The following WNK3 variants were observed in gnomAD, a reference collection of about 807,000 sequenced individuals.
WNK3 encodes the protein WNK lysine deficient protein kinase 3, also known as serine/threonine-protein kinase WNK3.
Under a neutral mutation model 116.7 loss-of-function variants are expected in WNK3, and 18 were observed. The observed-to-expected ratio is 0.15, with a 90% confidence interval of 0.11 to 0.23. WNK3 has a LOEUF of 0.23. Among genes scored for constraint, WNK3 ranks in the 10% least tolerant of loss-of-function variants. The pLI is 1.00. For missense variants in WNK3, 993 were observed against 1,323.8 expected (o/e 0.75, Z 3.88); for synonymous variants, 404 against 469.4 (o/e 0.86, Z 1.80).
At chrX:54,283,766 CA>C (rs782377430) in intron 10 of WNK3, among the ~76,000 whole-genome samples, 501 of 24,084 alleles carry the variant, frequency 0.021, no homozygotes, top group African/African-American at 0.048. Context: ...AAGACTGTCT[CA>C]AAAAAAAAAA....
At chrX:54,321,614 T>C (rs782059869) in intron 2 of WNK3, among the ~76,000 whole-genome samples, 1 of 111,681 alleles carries the variant, frequency 9.0e-6, no homozygotes, top group Non-Finnish European at 1.9e-5. Flanking sequence ...AGTCATAATC[T>C]GGTCATATTA....
chrX:54,314,601 T>A (rs1460285009), intron 2 of WNK3, among the ~76,000 whole-genome samples: 1 of 110,689 alleles, frequency 9.0e-6, no homozygotes, highest in Non-Finnish European at 1.9e-5. Context: ...AAACCCTGTC[T>A]CTACAAAAAA....
intron 13 of WNK3, 34 bp from the exon 14 acceptor site, chrX:54,251,721 T>A: frequency 8.6e-7 from 1 of 1,167,141 alleles, no homozygotes; most frequent in Non-Finnish European, 1.2e-6. Flanking sequence ...TGAGAATGAA[T>A]TCAGTTTCTT....
At chrX:54,353,072 G>A (rs2069539784) in intron 1 of WNK3, among the ~76,000 whole-genome samples, 1 of 111,941 alleles carries the variant, frequency 8.9e-6, no homozygotes, top group African/African-American at 3.2e-5. Context: ...GGGAGTGACT[G>A]CTTACTGGGA....
chrX:54,318,216 C>T lies in WNK3; in HGVS notation c.538-6925G>A, dbSNP rs184659587. On this transcript the variant is annotated intron_variant, in intron 2 of 23. Coordinates refer to ENST00000354646, the Ensembl canonical transcript of WNK3. ...CTCTACTAAAAATACAAAAATTATC[C>T]GGCTGTGGTGGCACGCGCCTGTGAT... 8.0e-3 allele frequency among the ~76,000 whole-genome samples: 860 copies of T among 108,075 alleles called. 9 individuals are homozygous for T. The highest frequency in any genetic ancestry group is 0.012 in the Non-Finnish European group (616 of 52,263). 93.9% of individuals were successfully genotyped at this position (108,075 alleles called of 115,157 possible).
At chrX:54,218,606 C>T (rs927964127) in intron 22 of WNK3, among the ~76,000 whole-genome samples, 5 of 109,253 alleles carry the variant, frequency 4.6e-5, no homozygotes, top group Middle Eastern at 4.9e-3. Context: ...AGAAAGAGGC[C>T]GGGTGTGGTG....
intron 22 of WNK3, among the ~76,000 whole-genome samples, chrX:54,213,561 A>AAAAAAAAAAAAAAAAAAAAAAC (rs2067645251): frequency 2.0e-5 from 2 of 98,205 alleles, no homozygotes; most frequent in East Asian, 2.9e-4. Context: ...CTCAAAAAAA[A>AAAAAAAAAAAAAAAAAAAAAAC]AAACAAACAA....
intron 1 of WNK3, among the ~76,000 whole-genome samples, chrX:54,353,879 C>T (rs900048389): frequency 9.1e-6 from 1 of 109,570 alleles, no homozygotes; most frequent in Non-Finnish European, 1.9e-5. Context: ...GTCAAGAGTT[C>T]GAGACCAGCC....
chrX:54,339,976 C>A (rs1320181190), intron 1 of WNK3, among the ~76,000 whole-genome samples: 1 of 110,690 alleles, frequency 9.0e-6, no homozygotes, highest in Non-Finnish European at 1.9e-5. Flanking sequence ...ATGGTGAAAA[C>A]CCATCTCTAC....
exon 20 of WNK3, chrX:54,237,484 A>G (rs782414538): frequency 8.4e-7 from 1 of 1,194,088 alleles, no homozygotes; most frequent in South Asian, 1.9e-5. Context: ...TGTCTCACTG[A>G]ACACTGATAT....
intron 22 of WNK3, among the ~76,000 whole-genome samples, chrX:54,218,033 A>AT (rs1248632372): frequency 6.3e-5 from 7 of 111,851 alleles, no homozygotes; most frequent in Non-Finnish European, 1.1e-4. Context: ...GGGGGCCTAT[A>AT]TTTTGGACTT....
intron 1 of WNK3, among the ~76,000 whole-genome samples, chrX:54,352,815 G>A (rs1238860323): frequency 1.8e-5 from 2 of 111,925 alleles, no homozygotes; most frequent in East Asian, 2.8e-4. Context: ...CCAAAAGGTG[G>A]AAACATCCCA....
chrX:54,324,280 G>A (rs1191810926), intron 2 of WNK3, among the ~76,000 whole-genome samples: 5 of 111,869 alleles, frequency 4.5e-5, no homozygotes, highest in African/African-American at 1.3e-4. Context: ...TAAGTTAATC[G>A]CATCTGCAAA....
chrX:54,203,881 A>G (rs2067524922), intron 22 of WNK3, among the ~76,000 whole-genome samples: 1 of 110,040 alleles, frequency 9.1e-6, no homozygotes, highest in Admixed American at 9.8e-5. Flanking sequence ...AGGGAGGCGG[A>G]GGTTGCAGTG....
chrX:54,291,042 G>A (rs991225585), intron 10 of WNK3, among the ~76,000 whole-genome samples: 1 of 111,577 alleles, frequency 9.0e-6, no homozygotes, highest in African/African-American at 3.3e-5. Context: ...GGCCGGGCAC[G>A]GTGGCTCACA....
At chrX:54,338,479 G>A (rs906720387) in intron 1 of WNK3, among the ~76,000 whole-genome samples, 9 of 109,412 alleles carry the variant, frequency 8.2e-5, no homozygotes, top group Non-Finnish European at 1.3e-4. Flanking sequence ...CTTAGCTACC[G>A]GGGAGGCTGA....
rs781945528 is a variant in WNK3 at position 54,256,122 on chromosome X, T to C, written c.2103-235A>G. ...TTTCAATAAAGCTTTCTTAAAAAGC[T>C]GAAAAATCAAGGTCACACTGTATTT... On this transcript the variant is annotated intron_variant, in intron 11 of 23. Transcript: ENST00000354646. Among the ~76,000 whole-genome samples, 15 of 111,673 alleles carry C rather than the reference T, an allele frequency of 1.3e-4. No homozygotes were observed. The South Asian group carries it at 3.0e-3, about 22-fold the overall frequency.
exon 17 of WNK3, chrX:54,248,712 G>A (rs139691382): frequency 9.1e-6 from 11 of 1,202,852 alleles, no homozygotes; most frequent in Admixed American, 6.7e-5. Flanking sequence ...AACACAATTC[G>A]CTGGGTACAG....
chrX:54,346,681 C>G (rs1233062393), intron 1 of WNK3, among the ~76,000 whole-genome samples: 1 of 109,587 alleles, frequency 9.1e-6, no homozygotes, highest in Admixed American at 1.0e-4. Context: ...CCTTTCAATC[C>G]TTGGAAGAGA....
Sources: allele counts gnomAD v4.1 joint callset (sites outside exome capture counted in the v4.1 genomes callset), GRCh38; gene constraint gnomAD v4.1.1; transcripts MANE v1.5; gene names NCBI Gene and HGNC (gene_info 2026-07-23, HGNC 2026-07-21).